The following HMGA2 variants were observed in gnomAD, a reference collection of about 807,000 sequenced individuals.
HMGA2 encodes the protein high mobility group protein HMGI-C.
HMGA2 carries 8 observed loss-of-function variants against 19.1 expected under a neutral mutation model. The observed-to-expected ratio is 0.42, with a 90% CI of 0.25 to 0.76. The LOEUF is 0.76. HMGA2 is among the 30% of genes least tolerant of loss of function. HMGA2 has a pLI of 0.28. For synonymous variants in HMGA2, 60 were observed against 48.8 expected, an observed-to-expected ratio of 1.23 and a Z score of -0.96; for missense variants, 109 against 136.3, an observed-to-expected ratio of 0.80 and a Z score of 1.00.
intron 2 of HMGA2, among the ~76,000 whole-genome samples, chr12:65,829,262 T>G (rs1001950532): frequency 5.9e-5 from 9 of 152,188 alleles, no homozygotes; most frequent in Admixed American, 2.6e-4. Flanking sequence ...TTGAACAGAG[T>G]TGAGGAGCAT....
intron 3 of HMGA2, among the ~76,000 whole-genome samples, chr12:65,935,748 T>C (rs1014458429): frequency 1.3e-5 from 2 of 152,216 alleles, no homozygotes; most frequent in Non-Finnish European, 2.9e-5. Flanking sequence ...AAGAAGCTTT[T>C]TTTTTCTTTC....
At chr12:65,896,502 G>A (rs529002704) in intron 3 of HMGA2, among the ~76,000 whole-genome samples, 1 of 152,222 alleles carries the variant, frequency 6.6e-6, no homozygotes, top group Admixed American at 6.5e-5. Context: ...TGTAGGGGGA[G>A]TGTGGTGCTT....
intron 3 of HMGA2, among the ~76,000 whole-genome samples, chr12:65,867,121 C>T (rs746712874): frequency 6.6e-6 from 1 of 152,128 alleles, no homozygotes; most frequent in African/African-American, 2.4e-5. Flanking sequence ...ATAACTAGCT[C>T]ACATAATGAC....
Position 65,838,618 on chromosome 12 carries a change from T to C in HMGA2, c.249+49T>C, listed in dbSNP as rs764623328. ...CTTCTTTTTTTTAAAGAAAAATTTC[T>C]GTTGTATTAAATGAGAAAAGTTTTA... On this transcript the variant is annotated intron_variant, in intron 3 of 4. Transcript: ENST00000403681. 7 of 1,353,928 alleles carry C rather than the reference T, an allele frequency of 5.2e-6. No individual in the cohort carries two copies. In the East Asian group the frequency reaches 1.2e-4, roughly 24 times the overall value. 83.9% of individuals were successfully genotyped at this position (1,353,928 alleles called of 1,614,324 possible).
Position 65,915,256 on chromosome 12 carries a change from C to A in HMGA2, c.250-36127C>A, listed in dbSNP as rs189269277. 3.0e-3 allele frequency: 4,638 copies of A among 1,530,558 alleles called. 10 individuals carry two copies. The highest frequency in any genetic ancestry group is 3.6e-3 in the Non-Finnish European group (4,122 of 1,137,728). 94.8% of individuals were successfully genotyped at this position (1,530,558 alleles called of 1,614,324 possible). On this transcript the variant is annotated intron_variant, in intron 3 of 4. Transcript: ENST00000403681. ...GAAACCTATCAGGTGTCTTTTAGAT[C>A]ATTTCAAAACACTGGCTTATTCTTT...
At chr12:65,919,188 A>G (rs954694736) in intron 3 of HMGA2, among the ~76,000 whole-genome samples, 4 of 152,328 alleles carry the variant, frequency 2.6e-5, no homozygotes, top group Admixed American at 2.0e-4. Context: ...GGAAGACAGA[A>G]AGCACTATAA....
intron 3 of HMGA2, among the ~76,000 whole-genome samples, chr12:65,863,936 C>T (rs567338452): frequency 1.2e-3 from 190 of 152,320 alleles, no homozygotes; most frequent in Non-Finnish European, 2.1e-3. Context: ...ACAATATCTT[C>T]ATTTCTCCAG....
At chr12:65,885,220 C>G (rs1353850662) in intron 3 of HMGA2, among the ~76,000 whole-genome samples, 2 of 152,028 alleles carry the variant, frequency 1.3e-5, no homozygotes, top group Non-Finnish European at 2.9e-5. Flanking sequence ...CTCTGAATTA[C>G]AGATTATTTT....
Position 65,963,707 on chromosome 12 carries a change from G to A in HMGA2, c.*415G>A, listed in dbSNP as rs1876822505. On this transcript the variant is annotated 3_prime_UTR_variant, in exon 5 of 5. Coordinates refer to ENST00000403681, the MANE Select transcript of HMGA2 (RefSeq NM_003483.6). ...AGAAACGTGTCACACTTGTGACGTCGGGCATTCATATAGGAAGAACGCGGT... is the reference window on the plus strand; with the variant it reads ...AGAAACGTGTCACACTTGTGACGTCAGGCATTCATATAGGAAGAACGCGGT... 2.7e-6 allele frequency: 1 copy of A among 363,724 alleles called. No homozygotes were observed. The highest frequency in any genetic ancestry group is 5.1e-6 in the Non-Finnish European group (1 of 195,888). 22.5% of individuals were successfully genotyped at this position (363,724 alleles called of 1,614,324 possible). A position where few individuals can be genotyped will look rare whatever the true frequency, so the allele number is the denominator to read the frequency against.
chr12:65,881,858 C>A (rs1385125822), intron 3 of HMGA2: 1 of 702,806 alleles, frequency 1.4e-6, no homozygotes, highest in East Asian at 2.7e-5. Context: ...CACTCTTTTC[C>A]CTTGCACTCA....
chr12:65,858,765 G>A (rs1244552537), intron 3 of HMGA2: 6 of 152,170 alleles, frequency 3.9e-5, no homozygotes, highest in Admixed American at 3.3e-4. Flanking sequence ...AAGCCAAAGA[G>A]TCTAAATCTC....
intron 3 of HMGA2, among the ~76,000 whole-genome samples, chr12:65,865,096 T>C (rs1872323212): frequency 6.6e-6 from 1 of 152,162 alleles, no homozygotes; most frequent in Non-Finnish European, 1.5e-5. Flanking sequence ...ACTTAATGAG[T>C]AGTGAACAAA....
chr12:65,866,955 C>G (rs568075669), intron 3 of HMGA2: 70 of 456,688 alleles, frequency 1.5e-4, no homozygotes, highest in South Asian at 8.7e-4. Flanking sequence ...CATCTTGACA[C>G]TGGTAGAGAG....
At chr12:65,924,963 A>T (rs771944593) in intron 3 of HMGA2, among the ~76,000 whole-genome samples, 29 of 152,128 alleles carry the variant, frequency 1.9e-4, no homozygotes, top group Non-Finnish European at 4.0e-4. Flanking sequence ...AGAAGAGAGA[A>T]ACCATATGTT....
chr12:65,896,170 CT>C (rs1290336666), intron 3 of HMGA2, among the ~76,000 whole-genome samples: 4 of 152,176 alleles, frequency 2.6e-5, no homozygotes, highest in Non-Finnish European at 5.9e-5. Flanking sequence ...TCAAGGAGGT[CT>C]TTGAAAACCA....
In HMGA2 at chr12:65,889,422, A is replaced by G. The variant is rs117811202; in HGVS notation, c.249+50853A>G. Among the ~76,000 whole-genome samples the G allele has an allele frequency of 2.6e-4, 40 of 152,374 alleles. No homozygotes were observed. In the East Asian group the frequency reaches 7.7e-3, roughly 29 times the overall value. On this transcript the variant is annotated intron_variant, in intron 3 of 4. Coordinates refer to ENST00000403681, the MANE Select transcript of HMGA2 (RefSeq NM_003483.6). Reference sequence around the variant, plus strand: ...GCACAGAGGACCCTTTGTAGTAAATATATTGTAAATACATATCTAATAGGT... The same window carrying G: ...GCACAGAGGACCCTTTGTAGTAAATGTATTGTAAATACATATCTAATAGGT...
chr12:65,841,553 A>G (rs905379310), intron 3 of HMGA2, among the ~76,000 whole-genome samples: 6 of 152,226 alleles, frequency 3.9e-5, no homozygotes, highest in African/African-American at 1.4e-4. Flanking sequence ...TGCTGAAGAA[A>G]TAAATCATTG....
At chr12:65,963,018 A>C (rs1876796285) in intron 4 of HMGA2, among the ~76,000 whole-genome samples, 1 of 152,172 alleles carries the variant, frequency 6.6e-6, no homozygotes, top group South Asian at 2.1e-4. Flanking sequence ...CCATGATGTC[A>C]AGCCTTAAGT....
intron 3 of HMGA2, among the ~76,000 whole-genome samples, chr12:65,865,627 A>AT (rs1872356293): frequency 7.4e-6 from 1 of 134,684 alleles, no homozygotes; most frequent in Non-Finnish European, 1.6e-5. Context: ...ATCTCCATCT[A>AT]TTTTTCTTTT....
Sources: allele counts gnomAD v4.1 joint callset (sites outside exome capture counted in the v4.1 genomes callset), GRCh38; gene constraint gnomAD v4.1.1; transcripts MANE v1.5; gene names NCBI Gene and HGNC (gene_info 2026-07-23, HGNC 2026-07-21).